Variants in MAN1A1 observed in about 807,000 individuals in gnomAD.
The protein encoded by MAN1A1 is mannosidase alpha class 1A member 1.
MAN1A1 carries 29 observed loss-of-function variants against 70.8 expected under a neutral mutation model. That is an observed-to-expected ratio of 0.41 (90% CI 0.31 to 0.56). The LOEUF (loss-of-function observed/expected upper bound fraction) is 0.56. Among genes scored for constraint, MAN1A1 ranks in the 20% least tolerant of loss-of-function variants. The pLI is 0.29. For synonymous variants in MAN1A1, 349 were observed against 330.1 expected (o/e 1.06, Z -0.62); for missense variants, 747 against 841.3 (o/e 0.89, Z 1.39).
intron 11 of MAN1A1, among the ~76,000 whole-genome samples, chr6:119,184,496 G>A (rs570646444): frequency 4.6e-5 from 7 of 151,986 alleles, no homozygotes; most frequent in Non-Finnish European, 8.8e-5. Context: ...CTTGAGTGTC[G>A]TCTGAACTCA....
At position 119,317,197 on chromosome 6, in the gene MAN1A1, G is replaced by C. The variant is rs80073909; in HGVS notation, c.604-10205C>G. Among the ~76,000 whole-genome samples the C allele has an allele frequency of 5.9e-3, 893 of 151,992 alleles. 30 individuals are homozygous for C. The East Asian group carries it at 0.09, about 15-fold the overall frequency. On this transcript the variant is annotated intron_variant, in intron 2 of 12. Transcript: ENST00000368468. Reference sequence around the variant, plus strand: ...CCTCCTCACTATCAACATTACGCACGAGAATCGTACGCTTATTACAACTGA... The same window carrying C: ...CCTCCTCACTATCAACATTACGCACCAGAATCGTACGCTTATTACAACTGA...
chr6:119,329,757 T>C (rs568183629), intron 2 of MAN1A1, among the ~76,000 whole-genome samples: 1 of 152,198 alleles, frequency 6.6e-6, no homozygotes, highest in African/African-American at 2.4e-5. Context: ...CCACCCCACC[T>C]CTCTGGCCTC....
At chr6:119,294,120 G>A (rs1042191308) in intron 4 of MAN1A1, among the ~76,000 whole-genome samples, 3 of 151,850 alleles carry the variant, frequency 2.0e-5, no homozygotes, top group African/African-American at 7.3e-5. Flanking sequence ...GCCCATATGA[G>A]GTCTTATTTC....
At chr6:119,184,191 A>G (rs1353453796) in intron 11 of MAN1A1, among the ~76,000 whole-genome samples, 2 of 152,164 alleles carry the variant, frequency 1.3e-5, no homozygotes, top group African/African-American at 4.8e-5. Flanking sequence ...GACTAAGTCT[A>G]ACCAGATCAT....
At chr6:119,279,920 T>G (rs956227556) in intron 5 of MAN1A1, among the ~76,000 whole-genome samples, 1 of 152,232 alleles carries the variant, frequency 6.6e-6, no homozygotes, top group African/African-American at 2.4e-5. Context: ...ACCTCCATGT[T>G]GTAAGATGCT....
chr6:119,253,465 T>A (rs1775379961), intron 5 of MAN1A1, among the ~76,000 whole-genome samples: 1 of 152,206 alleles, frequency 6.6e-6, no homozygotes, highest in South Asian at 2.1e-4. Flanking sequence ...TTTTGTCTCA[T>A]CTGCCACATT....
chr6:119,297,646 G>C (rs1772252716), intron 4 of MAN1A1, among the ~76,000 whole-genome samples: 1 of 150,770 alleles, frequency 6.6e-6, no homozygotes, highest in African/African-American at 2.4e-5. Context: ...TACTCTGTAT[G>C]CTTGTCACAA....
chr6:119,320,124 C>A (rs1772967044), intron 2 of MAN1A1, among the ~76,000 whole-genome samples: 1 of 152,142 alleles, frequency 6.6e-6, no homozygotes, highest in African/African-American at 2.4e-5. Context: ...CAGGCGCTCA[C>A]CACCACGCCT....
chr6:119,298,672 C>T (rs572085495), intron 4 of MAN1A1, among the ~76,000 whole-genome samples: 18 of 151,708 alleles, frequency 1.2e-4, no homozygotes, highest in African/African-American at 4.1e-4. Context: ...TCTCAGCTCA[C>T]TGCAACCCCT....
intron 4 of MAN1A1, among the ~76,000 whole-genome samples, chr6:119,294,185 G>C (rs1772133781): frequency 6.6e-6 from 1 of 151,806 alleles, no homozygotes; most frequent in Non-Finnish European, 1.5e-5. Flanking sequence ...CTTCCTTTGG[G>C]GCTTGATATA....
At chr6:119,244,872 A>G (rs374823459) in intron 6 of MAN1A1, among the ~76,000 whole-genome samples, 9 of 152,314 alleles carry the variant, frequency 5.9e-5, no homozygotes, top group African/African-American at 2.2e-4. Context: ...CTTCTTGAAT[A>G]AAGTGAAGAG....
At chr6:119,311,965 G>A (rs370411360) in intron 2 of MAN1A1, among the ~76,000 whole-genome samples, 4 of 152,044 alleles carry the variant, frequency 2.6e-5, no homozygotes, top group African/African-American at 9.7e-5. Flanking sequence ...TGGTGTTGGC[G>A]GGCTCTTGAA....
At chr6:119,234,672 C>T (rs1774790576) in intron 6 of MAN1A1, among the ~76,000 whole-genome samples, 1 of 152,148 alleles carries the variant, frequency 6.6e-6, no homozygotes, top group Non-Finnish European at 1.5e-5. Context: ...GCCTCGGCCT[C>T]CAAAGTACTG....
chr6:119,317,607 T>C (rs573290225), intron 2 of MAN1A1, among the ~76,000 whole-genome samples: 61 of 152,340 alleles, frequency 4.0e-4, no homozygotes, highest in African/African-American at 1.4e-3. Flanking sequence ...TGCTGAATAA[T>C]ATTCCATTGT....
At chr6:119,218,145 T>A (rs941738013) in intron 6 of MAN1A1, among the ~76,000 whole-genome samples, 1 of 152,178 alleles carries the variant, frequency 6.6e-6, no homozygotes, top group Admixed American at 6.5e-5. Flanking sequence ...CTTTTATCCG[T>A]CCTATGTTTT....
At chr6:119,226,929 CCAGAG>C (rs1774532361) in intron 6 of MAN1A1, among the ~76,000 whole-genome samples, 1 of 152,154 alleles carries the variant, frequency 6.6e-6, no homozygotes, top group Admixed American at 6.5e-5. Context: ...CCTTGGCCTC[CCAGAG>C]TGCTGGGATT....
intron 2 of MAN1A1, among the ~76,000 whole-genome samples, chr6:119,337,338 G>A (rs982324532): frequency 6.6e-6 from 1 of 152,002 alleles, no homozygotes; most frequent in Non-Finnish European, 1.5e-5. Flanking sequence ...AAAGATGAGC[G>A]GACACCACTT....
intron 2 of MAN1A1, among the ~76,000 whole-genome samples, chr6:119,330,259 C>A (rs1447740976): frequency 6.6e-6 from 1 of 152,120 alleles, no homozygotes; most frequent in Non-Finnish European, 1.5e-5. Context: ...GGACATCTTT[C>A]TCCTCTAATG....
Position 119,348,378 on chromosome 6 carries a change from T to G in MAN1A1, c.603+85A>C, listed in dbSNP as rs1051142715. On this transcript the variant is annotated intron_variant, in intron 2 of 12. Transcript: ENST00000368468. ...TCCATCTCCCCATACATTGCATTGTTGCAGTCTTCAGAGTTTCAAAGGCTT... is the reference window on the plus strand; with the variant it reads ...TCCATCTCCCCATACATTGCATTGTGGCAGTCTTCAGAGTTTCAAAGGCTT... The G allele has an allele frequency of 1.2e-5, 16 of 1,310,468 alleles. 1 individual carries two copies. The Admixed American group carries it at 1.3e-4, about 11-fold the overall frequency. The allele number at this position is 1,310,468 out of a possible 1,614,324, so 81.2% of individuals were successfully genotyped here.
Sources: allele counts gnomAD v4.1 joint callset (sites outside exome capture counted in the v4.1 genomes callset), GRCh38; gene constraint gnomAD v4.1.1; transcripts MANE v1.5; gene names NCBI Gene and HGNC (gene_info 2026-07-23, HGNC 2026-07-21).